SMC6: variants seen among roughly 807,000 people sequenced by gnomAD.
SMC6 encodes the protein structural maintenance of chromosomes protein 6.
A neutral mutation model predicts 142.2 loss-of-function variants in SMC6; 79 were observed. The observed-to-expected ratio is 0.56, with a 90% CI of 0.46 to 0.67. The LOEUF is 0.67. Among genes scored for constraint, SMC6 ranks in the 30% least tolerant of loss-of-function variants. The probability of loss-of-function intolerance (pLI) is 0.00; values close to 1 mark genes in which losing one functional copy is unlikely to be tolerated. For missense variants in SMC6, 1,072 were observed against 1,284.0 expected, an observed-to-expected ratio of 0.83 and a Z score of 2.52; for synonymous variants, 411 against 412.4, an observed-to-expected ratio of 1.00 and a Z score of 0.04.
At chr2:17,680,067 T>C (rs1667172166) in intron 24 of SMC6, 1 of 152,180 alleles carries the variant, frequency 6.6e-6, no homozygotes, top group African/African-American at 2.4e-5. Context: ...TTTCTTTCAA[T>C]ACAGATATGT....
chr2:17,736,724 A>T (rs79848794), intron 5 of SMC6, among the ~76,000 whole-genome samples: 5 of 151,112 alleles, frequency 3.3e-5, no homozygotes, highest in Non-Finnish European at 7.4e-5. Context: ...AAAAAAAAAA[A>T]TTAGCCAGGC....
At position 17,731,146 on chromosome 2, in the gene SMC6, A is replaced by G. The variant is rs768543444; in HGVS notation, c.482-7T>C. 1 of 1,604,334 alleles carries G rather than the reference A, an allele frequency of 6.2e-7. No homozygotes were observed. Among genetic ancestry groups the G allele is most frequent in the Non-Finnish European group, 8.5e-7 (1 of 1,173,336 alleles). ...CTCGTGGAAACCACGGAGCCTAGTTATAAGAAACATATGAAATAACCAAAC... is the reference window on the plus strand; with the variant it reads ...CTCGTGGAAACCACGGAGCCTAGTTGTAAGAAACATATGAAATAACCAAAC... On this transcript the variant is annotated splice_polypyrimidine_tract_variant and splice_region_variant and intron_variant, in intron 6 of 27. Transcript: ENST00000448223.
At chr2:17,739,246 T>C (rs951509902) in intron 4 of SMC6, among the ~76,000 whole-genome samples, 4 of 152,188 alleles carry the variant, frequency 2.6e-5, no homozygotes, top group Non-Finnish European at 5.9e-5. Context: ...TGGTGGCTCA[T>C]ACCTGTAATC....
At chr2:17,691,290 A>G (rs1468476905) in intron 23 of SMC6, among the ~76,000 whole-genome samples, 4 of 136,810 alleles carry the variant, frequency 2.9e-5, no homozygotes, top group Non-Finnish European at 6.4e-5. Flanking sequence ...CAAAAAAGCT[A>G]TAAAAAAGCT....
chr2:17,719,178 C>T (rs1222055836), intron 11 of SMC6, among the ~76,000 whole-genome samples: 2 of 152,034 alleles, frequency 1.3e-5, no homozygotes, highest in East Asian at 1.9e-4. Context: ...CATGAAAGCA[C>T]CCAAGGACAA....
At chr2:17,670,362 T>C in intron 26 of SMC6, 61 bp downstream of exon 26, 2 of 1,524,034 alleles carry the variant, frequency 1.3e-6, no homozygotes, top group East Asian at 2.4e-5. Context: ...TTCCTTCCTT[T>C]AGAAATACAT....
intron 26 of SMC6, 109 bp downstream of exon 26, chr2:17,670,314 C>G: frequency 8.9e-7 from 1 of 1,121,990 alleles, no homozygotes; most frequent in Non-Finnish European, 1.3e-6. Context: ...AGAGTCAGGG[C>G]AGGATCTTTC....
chr2:17,717,176 C>T lies in SMC6; in HGVS notation c.1093G>A (p.Val365Ile). Residue 365 changes from valine (V) to isoleucine (I), a missense_variant and splice_region_variant, in exon 13 of 28, where the codon GTT becomes ATT. This residue lies in a region of SMC6 where 994 missense variants were observed against 1,153.2 expected (regional missense o/e 0.86). Coordinates refer to ENST00000448223, the MANE Select transcript of SMC6 (RefSeq NM_001142286.2). ...TCGTTTAAGGATCGGTTATATAAAA[C>T]CTAACCAAAAAAATTAGACACACTT... The part of the protein sequence containing the change: ...AKKRAYNEAE[V>I]LYNRSLNEYK... The T allele has an allele frequency of 6.3e-7, 1 of 1,594,464 alleles. No homozygotes were observed. Among genetic ancestry groups the T allele is most frequent in the Non-Finnish European group, 8.5e-7 (1 of 1,173,488 alleles).
chr2:17,670,265 T>C (rs566789287), intron 26 of SMC6, among the ~76,000 whole-genome samples, 158 bp downstream of exon 26: 1 of 149,614 alleles, frequency 6.7e-6, no homozygotes, highest in South Asian at 2.1e-4. Context: ...GAGAGAACTC[T>C]AGTTCTTTAG....
chr2:17,703,520 T>A (rs984266243), intron 18 of SMC6, among the ~76,000 whole-genome samples: 1 of 152,142 alleles, frequency 6.6e-6, no homozygotes, highest in East Asian at 1.9e-4. Context: ...CCTTAACAAG[T>A]AGAGTTGACT....
chr2:17,740,109 C>A (rs1172637571), intron 4 of SMC6, among the ~76,000 whole-genome samples: 4 of 152,142 alleles, frequency 2.6e-5, no homozygotes, highest in Non-Finnish European at 5.9e-5. Context: ...AAATGCACTG[C>A]CTCCACTATT....
intron 4 of SMC6, among the ~76,000 whole-genome samples, chr2:17,739,428 TG>T (rs1248634554): frequency 1.3e-5 from 2 of 152,106 alleles, no homozygotes; most frequent in Non-Finnish European, 2.9e-5. Context: ...GTGGATCACT[TG>T]AGGCCAGGGG....
chr2:17,693,192 C>A (rs9752727), intron 23 of SMC6, among the ~76,000 whole-genome samples: 1 of 152,074 alleles, frequency 6.6e-6, no homozygotes, highest in East Asian at 1.9e-4. Flanking sequence ...CCAGCCATCC[C>A]ATTACTGGGT....
intron 2 of SMC6, 56 bp from the exon 3 acceptor site, chr2:17,746,007 TCAA>T: frequency 6.9e-7 from 1 of 1,440,858 alleles, no homozygotes; most frequent in African/African-American, 1.5e-5. Flanking sequence ...TATATTAAAC[TCAA>T]CAAAATAAAT....
At chr2:17,670,319 T>G in intron 26 of SMC6, 104 bp downstream of exon 26, 1 of 1,179,304 alleles carries the variant, frequency 8.5e-7, no homozygotes, top group Non-Finnish European at 1.2e-6. Context: ...CAGGGCAGGA[T>G]CTTTCCTGTT....
At chr2:17,688,313 A>AT (rs1553310763) in intron 23 of SMC6, among the ~76,000 whole-genome samples, 1 of 142,858 alleles carries the variant, frequency 7.0e-6, no homozygotes, top group Non-Finnish European at 1.5e-5. Flanking sequence ...TAAAAATGCT[A>AT]TTAAAAAAAA....
In SMC6 at chr2:17,683,732, C is replaced by G; in HGVS notation, c.2710G>C (p.Asp904His). Residue 904 changes from aspartate (D) to histidine (H), a missense_variant, in exon 24 of 28, where the codon GAT becomes CAT. Coordinates refer to ENST00000448223, the MANE Select transcript of SMC6 (RefSeq NM_001142286.2). ...QYQEARETYL[D>H]LDSKVRTLKK... ...AAAGTCCTCACTTTACTATCCAGAT[C>G]AAGATAGGTCTCTCTTGCTTCTTGG... The G allele has an allele frequency of 5.0e-6, 8 of 1,611,086 alleles. No homozygotes were observed. The highest frequency in any genetic ancestry group is 5.9e-6 in the Non-Finnish European group (7 of 1,178,180).
chr2:17,703,313 T>C (rs746151361), intron 18 of SMC6, 21 bp from the exon 19 acceptor site: 10 of 1,578,042 alleles, frequency 6.3e-6, no homozygotes, highest in African/African-American at 1.4e-5. Context: ...AAGGAGAAGA[T>C]AGAAAATACT....
At chr2:17,732,030 C>G (rs1427945240) in intron 5 of SMC6, among the ~76,000 whole-genome samples, 153 bp from the exon 6 acceptor site, 2 of 152,348 alleles carry the variant, frequency 1.3e-5, no homozygotes, top group African/African-American at 4.8e-5. Context: ...TGATTGTTCA[C>G]TACAGCATAA....
Sources: allele counts gnomAD v4.1 joint callset (sites outside exome capture counted in the v4.1 genomes callset), GRCh38; gene constraint gnomAD v4.1.1; regional missense constraint gnomAD v4.1.1; transcripts MANE v1.5; gene names NCBI Gene and HGNC (gene_info 2026-07-23, HGNC 2026-07-21).